The following BTLA variants were observed in gnomAD, a reference collection of about 807,000 sequenced individuals.
BTLA encodes B- and T-lymphocyte attenuator.
BTLA carries 11 observed loss-of-function variants against 25.0 expected under a neutral mutation model. The ratio of observed to expected loss-of-function variants is 0.44; its 90% CI spans 0.28 to 0.73. The LOEUF (loss-of-function observed/expected upper bound fraction) is 0.73, where lower values mean the gene tolerates loss of function less well. Among genes scored for constraint, BTLA ranks in the 30% least tolerant of loss-of-function variants. The probability of loss-of-function intolerance (pLI) is 0.15; values close to 1 mark genes in which losing one functional copy is unlikely to be tolerated. For synonymous variants in BTLA, 104 were observed against 119.8 expected, an observed-to-expected ratio of 0.87 and a Z score of 0.86; for missense variants, 282 against 332.8, an observed-to-expected ratio of 0.85 and a Z score of 1.19.
intron 1 of BTLA, among the ~76,000 whole-genome samples, chr3:112,490,761 T>G (rs1283240188): frequency 1.3e-5 from 2 of 151,774 alleles, no homozygotes; most frequent in Non-Finnish European, 2.9e-5. Flanking sequence ...AACAAGAAAA[T>G]TGAGAGCATT....
chr3:112,493,941 T>C (rs2082394275), intron 1 of BTLA, among the ~76,000 whole-genome samples: 2 of 152,190 alleles, frequency 1.3e-5, no homozygotes, highest in African/African-American at 4.8e-5. Flanking sequence ...TGAAACCTTC[T>C]GTACTAAAAA....
In BTLA at chr3:112,484,407, T is replaced by C. The variant is rs16859652; in HGVS notation, c.89-4638A>G. Among the ~76,000 whole-genome samples the C allele has an allele frequency of 9.3e-3, 1,420 of 152,300 alleles. 18 individuals are homozygous for C. Among genetic ancestry groups the C allele is most frequent in the African/African-American group, 0.032 (1,343 of 41,564 alleles). On this transcript the variant is annotated intron_variant, in intron 1 of 4. Transcript: ENST00000334529. ...CATGTCTGTTTCAAATGCTAACACA[T>C]TGAGCGAATTTGATAGTCCCCCAGT...
In BTLA at chr3:112,466,402, T is replaced by C. The variant is rs748237523; in HGVS notation, c.595-19A>G. 5.2e-6 allele frequency: 8 copies of C among 1,541,014 alleles called. No homozygotes were observed. The highest frequency in any genetic ancestry group is 7.0e-6 in the Non-Finnish European group (8 of 1,142,700). On this transcript the variant is annotated intron_variant, in intron 4 of 4. Coordinates refer to ENST00000334529, the MANE Select transcript of BTLA (RefSeq NM_181780.4). The stretch of plus-strand genomic sequence containing the variant: ...CATCAACCTACAATAGAAAAAAAGA[T>C]GGTTTTAAGTGACACTTACGGCCAT...
At chr3:112,487,595 A>G (rs1283530672) in intron 1 of BTLA, among the ~76,000 whole-genome samples, 1 of 152,106 alleles carries the variant, frequency 6.6e-6, no homozygotes, top group Non-Finnish European at 1.5e-5. Context: ...CAAAAAAAAA[A>G]AAAGGAAATC....
At chr3:112,495,688 T>C (rs902159112) in intron 1 of BTLA, among the ~76,000 whole-genome samples, 1 of 152,214 alleles carries the variant, frequency 6.6e-6, no homozygotes, top group Non-Finnish European at 1.5e-5. Context: ...CATTCCTCCA[T>C]ATGCACATTT....
At chr3:112,480,698 C>A (rs1186018066) in intron 1 of BTLA, among the ~76,000 whole-genome samples, 1 of 152,198 alleles carries the variant, frequency 6.6e-6, no homozygotes, top group Non-Finnish European at 1.5e-5. Flanking sequence ...ACATTCATAA[C>A]CTCTGATCTC....
chr3:112,468,343 C>A (rs941020315), intron 4 of BTLA, among the ~76,000 whole-genome samples: 3 of 152,068 alleles, frequency 2.0e-5, no homozygotes, highest in Admixed American at 6.6e-5. Context: ...ATGTTTATAC[C>A]AGTTCCTTTC....
chr3:112,467,035 G>A, intron 4 of BTLA, among the ~76,000 whole-genome samples: 1 of 150,774 alleles, frequency 6.6e-6, no homozygotes, highest in Non-Finnish European at 1.5e-5. Context: ...TCGGCTCACC[G>A]CAAGCTCCGC....
intron 2 of BTLA, among the ~76,000 whole-genome samples, chr3:112,471,993 T>G (rs2633567): frequency 0.97 from 147,933 of 152,306 alleles, 71,999 homozygotes; most frequent in Non-Finnish European, 1. Flanking sequence ...CAATTTAGTA[T>G]GTCACAAATA....
intron 2 of BTLA, 104 bp from the exon 3 acceptor site, chr3:112,471,459 C>T (rs1576678184): frequency 1.1e-5 from 14 of 1,231,010 alleles, no homozygotes; most frequent in Non-Finnish European, 1.6e-5. Flanking sequence ...AGATTTCAGG[C>T]CAATGCCTCC....
intron 1 of BTLA, among the ~76,000 whole-genome samples, chr3:112,495,129 C>A (rs1012358426): frequency 3.9e-5 from 6 of 152,132 alleles, no homozygotes; most frequent in African/African-American, 1.4e-4. Context: ...GTCACAACAA[C>A]CTTATAAGAT....
At chr3:112,472,576 C>T (rs972234554) in intron 2 of BTLA, among the ~76,000 whole-genome samples, 12 of 151,952 alleles carry the variant, frequency 7.9e-5, no homozygotes, top group African/African-American at 2.7e-4. Context: ...CACCTGTAAT[C>T]CCAGGTACAT....
intron 1 of BTLA, among the ~76,000 whole-genome samples, chr3:112,496,391 G>T (rs528565222): frequency 3.7e-4 from 57 of 152,218 alleles, no homozygotes; most frequent in Non-Finnish European, 3.5e-4. Flanking sequence ...TAATAAAGAA[G>T]GACCTTAAAC....
intron 1 of BTLA, among the ~76,000 whole-genome samples, chr3:112,488,778 G>A (rs1479320126): frequency 6.6e-6 from 1 of 151,682 alleles, no homozygotes; most frequent in African/African-American, 2.4e-5. Context: ...TGCGCCCGGG[G>A]AATTTTTATA....
chr3:112,481,821 AT>A, intron 1 of BTLA, among the ~76,000 whole-genome samples: 1 of 152,230 alleles, frequency 6.6e-6, no homozygotes, highest in African/African-American at 2.4e-5. Context: ...TATAAATTCC[AT>A]TTTTAAGTCA....
chr3:112,488,228 C>CTT (rs546779181), intron 1 of BTLA, among the ~76,000 whole-genome samples: 5,765 of 124,768 alleles, frequency 0.046, 445 homozygotes, highest in African/African-American at 0.13. Flanking sequence ...TTTCTTTTTT[C>CTT]TTTTTTTTTT....
At chr3:112,470,114 T>C in intron 3 of BTLA, 1 of 218,526 alleles carries the variant, frequency 4.6e-6, no homozygotes, top group Non-Finnish European at 9.1e-6. Flanking sequence ...CCAGAAATGC[T>C]GCTGTCCTGT....
At position 112,466,080 on chromosome 3, in the gene BTLA, A is replaced by AG; in HGVS notation, c.*27_*28insC. The stretch of plus-strand genomic sequence containing the variant: ...ATGATGTCAACATGCTGATCATTCA[A>AG]TGGTCCCTGTTGGAGTCAGAAACAG... On this transcript the variant is annotated 3_prime_UTR_variant, in exon 5 of 5. Coordinates refer to ENST00000334529, the MANE Select transcript of BTLA (RefSeq NM_181780.4). 1 of 1,532,874 alleles carries AG rather than the reference A, an allele frequency of 6.5e-7. No homozygotes were observed. 95.0% of individuals were successfully genotyped at this position (1,532,874 alleles called of 1,614,324 possible).
chr3:112,470,492 A>T (rs1157344676), intron 3 of BTLA: 1 of 152,266 alleles, frequency 6.6e-6, no homozygotes, highest in Non-Finnish European at 1.5e-5. Flanking sequence ...GAGAGGATGG[A>T]GGAGAAGAAA....
Sources: allele counts gnomAD v4.1 joint callset (sites outside exome capture counted in the v4.1 genomes callset), GRCh38; gene constraint gnomAD v4.1.1; transcripts MANE v1.5; gene names NCBI Gene and HGNC (gene_info 2026-07-23, HGNC 2026-07-21).